The following TENM3 variants were observed in gnomAD, a reference collection of about 807,000 sequenced individuals.
TENM3 encodes teneurin transmembrane protein 3, also known as teneurin-3.
A neutral mutation model predicts 255.1 loss-of-function variants in TENM3; 63 were observed. The observed-to-expected ratio is 0.25, with a 90% CI of 0.20 to 0.30. TENM3 has a LOEUF of 0.30. Among genes scored for constraint, TENM3 ranks in the 10% least tolerant of loss-of-function variants. TENM3 has a pLI of 1.00. For missense variants in TENM3, 2,929 were observed against 3,461.1 expected (o/e 0.85, Z 3.86); for synonymous variants, 1,306 against 1,322.3 (o/e 0.99, Z 0.27).
At chr4:181,670,384 TACTGC>T in the TENM3 span, among the ~76,000 whole-genome samples, 179 of 152,350 alleles carry the variant, frequency 1.2e-3, no homozygotes, top group Non-Finnish European at 2.4e-3. Context: ...CACAAAGTGA[TACTGC>T]TGTATTAATT....
At chr4:182,659,722 A>G (rs927230423) in intron 6 of TENM3, among the ~76,000 whole-genome samples, 1 of 152,190 alleles carries the variant, frequency 6.6e-6, no homozygotes, top group Non-Finnish European at 1.5e-5. Context: ...GTATGTCTCC[A>G]GTCTTGCTCA....
At chr4:182,234,957 A>C (rs1009836986) in intron 1 of TENM3, among the ~76,000 whole-genome samples, 1 of 152,138 alleles carries the variant, frequency 6.6e-6, no homozygotes, top group Non-Finnish European at 1.5e-5. Context: ...TAAAGGGTGC[A>C]TGGAAAACAG....
chr4:181,529,561 G>A, the TENM3 span, among the ~76,000 whole-genome samples: 2 of 152,136 alleles, frequency 1.3e-5, no homozygotes, highest in Non-Finnish European at 2.9e-5. Context: ...ACGTGGGGTG[G>A]GGGGTTGTTA....
the TENM3 span, among the ~76,000 whole-genome samples, chr4:181,803,412 T>G: frequency 1.4e-4 from 22 of 152,320 alleles, no homozygotes; most frequent in African/African-American, 5.3e-4. Context: ...ACCTCCCTCA[T>G]TCTAGTTAAA....
the TENM3 span, among the ~76,000 whole-genome samples, chr4:181,828,665 T>G: frequency 1.3e-5 from 2 of 152,326 alleles, no homozygotes; most frequent in East Asian, 3.9e-4. Context: ...CTCAGCTCAC[T>G]GCAACCTCCA....
At chr4:182,018,008 A>G in the TENM3 span, among the ~76,000 whole-genome samples, 2 of 152,226 alleles carry the variant, frequency 1.3e-5, no homozygotes, top group Non-Finnish European at 2.9e-5. Context: ...ATGGTGAGGC[A>G]GGAAAATACA....
At position 182,346,631 on chromosome 4, in the gene TENM3, CT is replaced by C. The variant is rs571729819; in HGVS notation, c.233-13del. ...TGAACATATACTCACTAGTTGTTAT[CT>C]TTTTTTCCCCCTAATTAGGACAGAA... On this transcript the variant is annotated intron_variant, in intron 2 of 27. Coordinates refer to ENST00000511685, the MANE Select transcript of TENM3 (RefSeq NM_001080477.4). The C allele has an allele frequency of 3.7e-5, 59 of 1,603,264 alleles. No homozygotes were observed. Among genetic ancestry groups the C allele is most frequent in the African/African-American group, 8.1e-5 (6 of 74,436 alleles).
chr4:182,561,704 C>G (rs1226744293), intron 3 of TENM3, among the ~76,000 whole-genome samples: 2 of 151,852 alleles, frequency 1.3e-5, no homozygotes, highest in Non-Finnish European at 2.9e-5. Flanking sequence ...CTGTAGAATT[C>G]TATAGAATAG....
chr4:181,460,364 T>C, the TENM3 span, among the ~76,000 whole-genome samples: 1 of 152,034 alleles, frequency 6.6e-6, no homozygotes, highest in South Asian at 2.1e-4. Flanking sequence ...GAGAAAGCAT[T>C]CCATCTTTCA....
intron 1 of TENM3, among the ~76,000 whole-genome samples, chr4:182,250,865 G>T (rs111341322): frequency 6.6e-6 from 1 of 152,196 alleles, no homozygotes; most frequent in Non-Finnish European, 1.5e-5. Context: ...AAGGTCTCCC[G>T]CACCAACTGT....
the TENM3 span, among the ~76,000 whole-genome samples, chr4:181,462,124 T>A: frequency 1.3e-5 from 2 of 152,170 alleles, no homozygotes; most frequent in Non-Finnish European, 2.9e-5. Flanking sequence ...AATATTAAAG[T>A]GATATCCCAT....
intron 3 of TENM3, among the ~76,000 whole-genome samples, chr4:182,366,234 G>A (rs1324258522): frequency 6.6e-6 from 1 of 151,674 alleles, no homozygotes; most frequent in Non-Finnish European, 1.5e-5. Context: ...TGATATAAAG[G>A]ATTTTTTTTA....
chr4:182,740,874 C>T (rs1761552145), intron 18 of TENM3, among the ~76,000 whole-genome samples: 2 of 152,116 alleles, frequency 1.3e-5, no homozygotes. Context: ...AAAAAATGTT[C>T]TAAATTATAA....
chr4:181,719,469 C>T, the TENM3 span, among the ~76,000 whole-genome samples: 1 of 152,096 alleles, frequency 6.6e-6, no homozygotes, highest in Non-Finnish European at 1.5e-5. Flanking sequence ...AAACACCAGC[C>T]GATTCAGTGT....
intron 10 of TENM3, among the ~76,000 whole-genome samples, chr4:182,681,531 G>C (rs1235489688): frequency 6.6e-6 from 1 of 152,166 alleles, no homozygotes; most frequent in Non-Finnish European, 1.5e-5. Flanking sequence ...TGATTAGGCA[G>C]AACAGAGAGC....
intron 3 of TENM3, chr4:182,448,961 T>C (rs1255978734): frequency 2.5e-6 from 1 of 394,452 alleles, no homozygotes; most frequent in African/African-American, 2.2e-5. Context: ...CTATCATGTC[T>C]GGCCGCCGCG....
intron 1 of TENM3, among the ~76,000 whole-genome samples, chr4:182,259,872 T>G (rs999789164): frequency 6.6e-5 from 10 of 152,330 alleles, no homozygotes; most frequent in East Asian, 1.9e-4. Flanking sequence ...TCTATCAAAC[T>G]GTATATTTGT....
chr4:181,603,496 G>A, the TENM3 span, among the ~76,000 whole-genome samples: 4 of 152,130 alleles, frequency 2.6e-5, no homozygotes, highest in Middle Eastern at 3.4e-3. Context: ...CACTTTCCAG[G>A]GCTTTCTAAT....
At chr4:181,575,933 G>A in the TENM3 span, among the ~76,000 whole-genome samples, 4 of 151,508 alleles carry the variant, frequency 2.6e-5, no homozygotes, top group Non-Finnish European at 5.9e-5. Context: ...TTCCATTTAG[G>A]GGACACATTT....
Sources: allele counts gnomAD v4.1 joint callset (sites outside exome capture counted in the v4.1 genomes callset), GRCh38; gene constraint gnomAD v4.1.1; transcripts MANE v1.5; gene names NCBI Gene and HGNC (gene_info 2026-07-23, HGNC 2026-07-21).